PTPRD: variants seen among roughly 807,000 people sequenced by gnomAD.
PTPRD encodes the protein protein tyrosine phosphatase receptor type D.
Under a neutral mutation model 214.5 loss-of-function variants are expected in PTPRD, and 34 were observed. The observed-to-expected ratio is 0.16, with a 90% CI of 0.12 to 0.21. The LOEUF is 0.21. PTPRD is among the 10% of genes least tolerant of loss of function. The pLI is 1.00. For missense variants in PTPRD, 2,545 were observed against 2,398.7 expected, an observed-to-expected ratio of 1.06 and a Z score of -1.27; for synonymous variants, 1,128 against 845.7, an observed-to-expected ratio of 1.33 and a Z score of -5.79.
At chr9:10,597,634 A>G (rs577288657) in intron 2 of PTPRD, among the ~76,000 whole-genome samples, 1 of 151,946 alleles carries the variant, frequency 6.6e-6, no homozygotes, top group African/African-American at 2.4e-5. Flanking sequence ...CTTCAACAGC[A>G]GGTTCTATAA....
At chr9:8,443,663 G>C (rs2095623632) in intron 34 of PTPRD, among the ~76,000 whole-genome samples, 1 of 152,070 alleles carries the variant, frequency 6.6e-6, no homozygotes, top group African/African-American at 2.4e-5. Flanking sequence ...CTATAGTTTT[G>C]GTTTTGTTTG....
Position 9,333,820 on chromosome 9 carries a change from A to G in PTPRD, c.-203+63629T>C, listed in dbSNP as rs112148323. 2.3e-3 allele frequency among the ~76,000 whole-genome samples: 352 copies of G among 152,020 alleles called. 2 individuals carry two copies. The highest frequency in any genetic ancestry group is 8.3e-3 in the African/African-American group (345 of 41,524). Reference sequence around the variant, plus strand: ...GATGTGGTTGGAAAATAATTCCTCTAAGTAAAATTATTAGGAAATTCAGAT... The same window carrying G: ...GATGTGGTTGGAAAATAATTCCTCTGAGTAAAATTATTAGGAAATTCAGAT... On this transcript the variant is annotated intron_variant, in intron 9 of 45. Coordinates refer to ENST00000381196, the MANE Select transcript of PTPRD (RefSeq NM_002839.4).
At chr9:10,275,175 C>T (rs891833558) in intron 3 of PTPRD, among the ~76,000 whole-genome samples, 2 of 152,078 alleles carry the variant, frequency 1.3e-5, no homozygotes, top group Non-Finnish European at 2.9e-5. Context: ...ACAGCAAAAC[C>T]TTCCTGTAGG....
chr9:9,211,515 GCACACACACACACACACACACACACACA>G (rs36213005), intron 9 of PTPRD, among the ~76,000 whole-genome samples: 5 of 143,536 alleles, frequency 3.5e-5, no homozygotes, highest in Non-Finnish European at 7.6e-5. Flanking sequence ...GTGTGCGCAC[GCACACACACACACACACACACACACACA>G]CACACACACA....
chr9:9,327,264 C>A (rs543361800), intron 9 of PTPRD, among the ~76,000 whole-genome samples: 17 of 152,150 alleles, frequency 1.1e-4, no homozygotes, highest in African/African-American at 4.1e-4. Context: ...CTAGCAGATT[C>A]CTTCAATTCT....
chr9:10,080,550 G>A (rs1206482857), intron 3 of PTPRD, among the ~76,000 whole-genome samples: 3 of 152,022 alleles, frequency 2.0e-5, no homozygotes, highest in Admixed American at 6.6e-5. Flanking sequence ...CCCTGGCCTC[G>A]CAGAAGACTC....
At chr9:8,561,557 C>G (rs895622864) in intron 14 of PTPRD, among the ~76,000 whole-genome samples, 1 of 152,092 alleles carries the variant, frequency 6.6e-6, no homozygotes, top group East Asian at 1.9e-4. Context: ...CGAGACTCAG[C>G]GGGCTGACTG....
chr9:9,476,688 T>C (rs1421750871), intron 8 of PTPRD, among the ~76,000 whole-genome samples: 1 of 152,194 alleles, frequency 6.6e-6, no homozygotes, highest in Non-Finnish European at 1.5e-5. Flanking sequence ...GATAGAAATC[T>C]GAAATTTTAC....
chr9:8,939,843 G>A (rs916313060), intron 11 of PTPRD, among the ~76,000 whole-genome samples: 3 of 151,822 alleles, frequency 2.0e-5, no homozygotes, highest in Non-Finnish European at 4.4e-5. Flanking sequence ...TGTACTTGGT[G>A]ATAGTTTTCT....
At chr9:8,437,225 C>T (rs746981694) in intron 34 of PTPRD, 21 of 1,519,834 alleles carry the variant, frequency 1.4e-5, no homozygotes, top group Middle Eastern at 1.7e-4. Context: ...CCAGGGTAAC[C>T]GGAATCATCT....
chr9:10,592,935 G>T (rs1036667048), intron 2 of PTPRD, among the ~76,000 whole-genome samples: 3 of 151,820 alleles, frequency 2.0e-5, no homozygotes, highest in Non-Finnish European at 2.9e-5. Context: ...TCCACACTGT[G>T]GAAGCTTTGT....
intron 11 of PTPRD, among the ~76,000 whole-genome samples, chr9:8,929,745 GTA>G (rs200883991): frequency 0.011 from 989 of 88,262 alleles, 60 homozygotes; most frequent in South Asian, 0.018. Context: ...ATATATATGT[GTA>G]TATATATATG....
intron 4 of PTPRD, among the ~76,000 whole-genome samples, chr9:10,032,582 A>G (rs147885866): frequency 6.6e-6 from 1 of 152,270 alleles, no homozygotes; most frequent in East Asian, 1.9e-4. Flanking sequence ...CATCAGCCAC[A>G]TGTACAAGCT....
chr9:9,050,211 C>T (rs2099682167), intron 10 of PTPRD, among the ~76,000 whole-genome samples: 1 of 152,142 alleles, frequency 6.6e-6, no homozygotes, highest in African/African-American at 2.4e-5. Flanking sequence ...TTCCCTTTAA[C>T]ATTATTTTAT....
intron 10 of PTPRD, among the ~76,000 whole-genome samples, chr9:9,107,463 C>G (rs1236317150): frequency 6.6e-6 from 1 of 152,150 alleles, no homozygotes; most frequent in Non-Finnish European, 1.5e-5. Flanking sequence ...ATAACCTTTA[C>G]CTGACTCTAC....
intron 10 of PTPRD, among the ~76,000 whole-genome samples, chr9:9,075,333 A>G (rs2099749470): frequency 1.3e-5 from 2 of 152,154 alleles, no homozygotes; most frequent in Middle Eastern, 3.2e-3. Context: ...TTTTAAAAGT[A>G]TAATAAATTT....
chr9:8,522,351 G>T (rs1024904295), intron 19 of PTPRD, among the ~76,000 whole-genome samples: 1 of 152,142 alleles, frequency 6.6e-6, no homozygotes, highest in East Asian at 1.9e-4. Context: ...AAAGTATAAC[G>T]ATTGAAACAC....
chr9:9,002,238 T>C (rs918462570), intron 11 of PTPRD, among the ~76,000 whole-genome samples: 7 of 151,710 alleles, frequency 4.6e-5, no homozygotes, highest in African/African-American at 1.7e-4. Flanking sequence ...AAAAACTATT[T>C]ACCCAAGATT....
chr9:10,518,681 C>CA lies in PTPRD; in HGVS notation c.-600+93716_-600+93717insT, dbSNP rs1030469742. Among the ~76,000 whole-genome samples the CA allele has an allele frequency of 2.1e-4, 32 of 151,864 alleles. 1 individual carries two copies. Among genetic ancestry groups the CA allele is most frequent in the Non-Finnish European group, 3.8e-4 (26 of 67,958 alleles). On this transcript the variant is annotated intron_variant, in intron 2 of 45. Coordinates refer to ENST00000381196, the MANE Select transcript of PTPRD (RefSeq NM_002839.4). ...CCAAGTAGCTGGGACTACAGGCGCC[C>CA]GCCACCACACCCGGCTAATTTTTTG...
Sources: allele counts gnomAD v4.1 joint callset (sites outside exome capture counted in the v4.1 genomes callset), GRCh38; gene constraint gnomAD v4.1.1; transcripts MANE v1.5; gene names NCBI Gene and HGNC (gene_info 2026-07-23, HGNC 2026-07-21).